The following DCLK1 variants were observed in gnomAD, a reference collection of about 807,000 sequenced individuals.
DCLK1 encodes the protein doublecortin like kinase 1.
Under a neutral mutation model 86.2 loss-of-function variants are expected in DCLK1, and 16 were observed. The ratio of observed to expected loss-of-function variants is 0.19; its 90% CI spans 0.13 to 0.28. The LOEUF (loss-of-function observed/expected upper bound fraction) is 0.28. Ranked by LOEUF, DCLK1 falls within the 10% of genes least tolerant of loss-of-function variation. The probability of loss-of-function intolerance (pLI) is 1.00; values close to 1 mark genes in which losing one functional copy is unlikely to be tolerated. For missense variants in DCLK1, 590 were observed against 940.2 expected (o/e 0.63, Z 4.87); for synonymous variants, 369 against 370.5 (o/e 1.00, Z 0.05).
intron 2 of DCLK1, 74 bp downstream of exon 2, chr13:36,125,688 C>G: frequency 6.5e-7 from 1 of 1,528,032 alleles, no homozygotes; most frequent in Non-Finnish European, 8.8e-7. Context: ...AGGGCAAATG[C>G]GAATCGGCTA....
At chr13:36,026,233 A>G (rs1882030061) in intron 3 of DCLK1, among the ~76,000 whole-genome samples, 1 of 152,222 alleles carries the variant, frequency 6.6e-6, no homozygotes, top group Non-Finnish European at 1.5e-5. Context: ...AAATAACCTG[A>G]CACTTGTCAG....
At chr13:36,014,987 CCTCT>C (rs1220521654) in intron 3 of DCLK1, among the ~76,000 whole-genome samples, 2 of 100,850 alleles carry the variant, frequency 2.0e-5, no homozygotes, top group South Asian at 4.3e-4. Context: ...ATTCTCTCTC[CCTCT>C]CTCTCTCTCT....
chr13:36,127,999 C>G (rs1402383424), intron 1 of DCLK1, among the ~76,000 whole-genome samples: 1 of 152,198 alleles, frequency 6.6e-6, no homozygotes, highest in Non-Finnish European at 1.5e-5. Context: ...AAGCACTCCC[C>G]AAGTCCCACC....
At chr13:35,987,975 G>T in intron 3 of DCLK1, among the ~76,000 whole-genome samples, 1 of 152,176 alleles carries the variant, frequency 6.6e-6, no homozygotes, top group East Asian at 1.9e-4. Context: ...CCAGTCTCAG[G>T]CCAGCCTCCT....
At chr13:35,961,703 A>C (rs1165292037) in intron 3 of DCLK1, among the ~76,000 whole-genome samples, 1 of 152,188 alleles carries the variant, frequency 6.6e-6, no homozygotes, top group Non-Finnish European at 1.5e-5. Flanking sequence ...TTGATGCTAA[A>C]GGAAATGAGA....
intron 4 of DCLK1, 121 bp downstream of exon 4, chr13:35,947,237 G>T (rs1006343258): frequency 3.3e-6 from 2 of 598,536 alleles, no homozygotes; most frequent in Admixed American, 6.2e-5. Flanking sequence ...GAAAAGACAC[G>T]CTGGGTGAGG....
chr13:35,809,532 GGACAA>G (rs2087098560), intron 12 of DCLK1, among the ~76,000 whole-genome samples: 2 of 152,282 alleles, frequency 1.3e-5, no homozygotes, highest in East Asian at 3.9e-4. Flanking sequence ...TCTGTAGGTT[GGACAA>G]GACAAGTATT....
intron 4 of DCLK1, among the ~76,000 whole-genome samples, chr13:35,877,743 C>T (rs1054494505): frequency 5.3e-5 from 8 of 152,176 alleles, no homozygotes; most frequent in African/African-American, 1.9e-4. Flanking sequence ...TTCTACCATA[C>T]CCTGATTACA....
chr13:35,832,193 G>A (rs557943879), intron 8 of DCLK1, among the ~76,000 whole-genome samples: 1 of 152,264 alleles, frequency 6.6e-6, no homozygotes, highest in South Asian at 2.1e-4. Flanking sequence ...CTATTCAGGA[G>A]GCCAAGGCAG....
At chr13:36,077,122 T>A (rs1020716489) in intron 3 of DCLK1, among the ~76,000 whole-genome samples, 1 of 152,166 alleles carries the variant, frequency 6.6e-6, no homozygotes, top group Non-Finnish European at 1.5e-5. Context: ...GCTTCTCAAC[T>A]ACCCAGTGGG....
intron 3 of DCLK1, among the ~76,000 whole-genome samples, chr13:36,056,747 T>C (rs1447861353): frequency 6.6e-6 from 1 of 150,670 alleles, no homozygotes; most frequent in Non-Finnish European, 1.5e-5. Flanking sequence ...GTGTATATAA[T>C]ATATTCTCCG....
At chr13:36,092,641 C>T (rs60813126) in intron 3 of DCLK1, among the ~76,000 whole-genome samples, 82,851 of 145,630 alleles carry the variant, frequency 0.57, 23,368 homozygotes, top group East Asian at 0.84. Context: ...CGCCCGCCAC[C>T]ACGCCCGGCT....
At position 36,045,330 on chromosome 13, in the gene DCLK1, GTGTATATATATATATATATATATATATA is replaced by G. The variant is rs1394055453; in HGVS notation, c.723+66511_723+66538del. Among the ~76,000 whole-genome samples the G allele has an allele frequency of 1.1e-4, 6 of 56,600 alleles. No individual in the cohort carries two copies. In the East Asian group the frequency reaches 3.6e-3, roughly 34 times the overall value. The allele number at this position is 56,600 out of a possible 152,430, so 37.1% of individuals were successfully genotyped here. ...TATATGTCTATATATGTGTGTGTGT[GTGTATATATATATATATATATATATATA>G]TATATATATATATATATATTTCAAG... On this transcript the variant is annotated intron_variant, in intron 3 of 16. Coordinates refer to ENST00000360631, the MANE Select transcript of DCLK1 (RefSeq NM_001330071.2).
intron 3 of DCLK1, among the ~76,000 whole-genome samples, chr13:35,964,944 G>C (rs1878654525): frequency 6.6e-6 from 1 of 152,138 alleles, no homozygotes; most frequent in Non-Finnish European, 1.5e-5. Flanking sequence ...AGACAGAGTT[G>C]AGTAGTTGCA....
chr13:35,955,556 G>A (rs2153135315), intron 3 of DCLK1, among the ~76,000 whole-genome samples: 1 of 152,270 alleles, frequency 6.6e-6, no homozygotes, highest in Non-Finnish European at 1.5e-5. Flanking sequence ...GTCAACATAG[G>A]AATTTGGGGG....
intron 15 of DCLK1, among the ~76,000 whole-genome samples, chr13:35,799,770 C>T (rs756413432): frequency 2.0e-5 from 3 of 152,120 alleles, no homozygotes; most frequent in Non-Finnish European, 4.4e-5. Flanking sequence ...AATGTCAATT[C>T]TGTTTATGAA....
chr13:36,111,764 A>C, intron 3 of DCLK1, 105 bp downstream of exon 3: 1 of 956,462 alleles, frequency 1.0e-6, no homozygotes, highest in African/African-American at 1.6e-5. Context: ...CAAGTGACCC[A>C]GGCCCTTTAA....
At chr13:35,850,547 A>T in intron 6 of DCLK1, 1 of 1,264,694 alleles carries the variant, frequency 7.9e-7, no homozygotes, top group Non-Finnish European at 1.0e-6. Flanking sequence ...TCTCAATTTC[A>T]AGGTTGAACA....
chr13:35,781,498 G>T (rs1307976962), intron 16 of DCLK1, among the ~76,000 whole-genome samples: 1 of 152,144 alleles, frequency 6.6e-6, no homozygotes, highest in African/African-American at 2.4e-5. Context: ...GACCAAACAT[G>T]TTTCTGTTCC....
Sources: allele counts gnomAD v4.1 joint callset (sites outside exome capture counted in the v4.1 genomes callset), GRCh38; gene constraint gnomAD v4.1.1; transcripts MANE v1.5; gene names NCBI Gene and HGNC (gene_info 2026-07-23, HGNC 2026-07-21).